The following RBFOX1 variants were observed in gnomAD, a reference collection of about 807,000 sequenced individuals.
The protein encoded by RBFOX1 is RNA binding protein fox-1 homolog 1.
A neutral mutation model predicts 57.7 loss-of-function variants in RBFOX1; 8 were observed. That is an observed-to-expected ratio of 0.14 (90% CI 0.08 to 0.25). The LOEUF (loss-of-function observed/expected upper bound fraction) is 0.25, where lower values mean the gene tolerates loss of function less well. Among genes scored for constraint, RBFOX1 ranks in the 10% least tolerant of loss-of-function variants. The pLI is 1.00. For synonymous variants in RBFOX1, 326 were observed against 222.4 expected (o/e 1.47, Z -4.15); for missense variants, 611 against 548.5 (o/e 1.11, Z -1.14).
chr16:6,372,026 T>C (rs1228809181), intron 2 of RBFOX1, among the ~76,000 whole-genome samples: 2 of 152,206 alleles, frequency 1.3e-5, no homozygotes, highest in African/African-American at 2.4e-5. Context: ...CATAGGATTG[T>C]TGGGTGAAAC....
At chr16:7,361,882 A>G (rs546221851) in intron 4 of RBFOX1, among the ~76,000 whole-genome samples, 4 of 150,760 alleles carry the variant, frequency 2.7e-5, no homozygotes, top group Admixed American at 1.3e-4. Context: ...TGTTTTGTGT[A>G]TATGTTAGTA....
chr16:6,873,340 A>T (rs1018558863), intron 3 of RBFOX1, among the ~76,000 whole-genome samples: 1 of 152,128 alleles, frequency 6.6e-6, no homozygotes, highest in Non-Finnish European at 1.5e-5. Context: ...AAGAGTGCAA[A>T]ATCATTAGAG....
chr16:5,958,115 G>T (rs1168279632), intron 4 of RBFOX1, among the ~76,000 whole-genome samples: 1 of 152,172 alleles, frequency 6.6e-6, no homozygotes, highest in African/African-American at 2.4e-5. Flanking sequence ...AATAGTGATG[G>T]CACTACCTTT....
intron 2 of RBFOX1, among the ~76,000 whole-genome samples, chr16:6,546,889 AT>A (rs2096903924): frequency 6.6e-6 from 1 of 152,144 alleles, no homozygotes; most frequent in Non-Finnish European, 1.5e-5. Flanking sequence ...TCCGAAGTCC[AT>A]GCTTGGTTTG....
chr16:7,624,140 G>C (rs1051334770), intron 10 of RBFOX1, among the ~76,000 whole-genome samples: 9 of 152,134 alleles, frequency 5.9e-5, no homozygotes, highest in Non-Finnish European at 1.2e-4. Context: ...AGTAAAGGAG[G>C]ACTAATGGCA....
At chr16:6,835,277 G>A (rs12927782) in intron 3 of RBFOX1, among the ~76,000 whole-genome samples, 20,866 of 152,052 alleles carry the variant, frequency 0.14, 1,561 homozygotes, top group Non-Finnish European at 0.16. Flanking sequence ...CTGCTATGCG[G>A]GTTCCCTTTC....
At chr16:7,558,841 G>A (rs576820515) in intron 5 of RBFOX1, among the ~76,000 whole-genome samples, 1 of 152,308 alleles carries the variant, frequency 6.6e-6, no homozygotes, top group South Asian at 2.1e-4. Context: ...ATAAGTATAT[G>A]AAAATACTAT....
intron 3 of RBFOX1, among the ~76,000 whole-genome samples, chr16:6,912,622 C>G (rs544124102): frequency 1.7e-4 from 13 of 74,806 alleles, no homozygotes; most frequent in Non-Finnish European, 2.9e-4. Flanking sequence ...TGTGTTATTA[C>G]TATTTTTTTT....
intron 2 of RBFOX1, among the ~76,000 whole-genome samples, chr16:5,495,944 G>A (rs1419317594): frequency 6.6e-6 from 1 of 152,140 alleles, no homozygotes; most frequent in Admixed American, 6.5e-5. Flanking sequence ...TGGCCAACAT[G>A]GTGAAACCCT....
intron 4 of RBFOX1, among the ~76,000 whole-genome samples, chr16:7,072,141 T>C (rs1276043135): frequency 6.6e-6 from 1 of 152,216 alleles, no homozygotes; most frequent in Non-Finnish European, 1.5e-5. Context: ...ACAATAGTAG[T>C]TACAACTGTT....
intron 2 of RBFOX1, among the ~76,000 whole-genome samples, chr16:6,516,127 C>T (rs917306468): frequency 1.3e-5 from 2 of 152,166 alleles, no homozygotes; most frequent in Admixed American, 6.5e-5. Context: ...CGCCCAGGTT[C>T]AAGCAGTTCT....
At chr16:5,589,253 A>T (rs2046930575) in intron 2 of RBFOX1, among the ~76,000 whole-genome samples, 1 of 152,050 alleles carries the variant, frequency 6.6e-6, no homozygotes, top group Admixed American at 6.5e-5. Flanking sequence ...GTACCAAGGG[A>T]ATGCTTCTGT....
rs57556084 is a variant in RBFOX1 at position 6,925,109 on chromosome 16, G to GTTTTTTTTTT, written c.-15-126915_-15-126906dup. On this transcript the variant is annotated intron_variant, in intron 3 of 15. Transcript: ENST00000550418. ...TCGTTGTTGGACATCTAGGTTGTTGGTTTTTTTTTTTTTTTTTTTTTTTTT... is the reference window on the plus strand; with the variant it reads ...TCGTTGTTGGACATCTAGGTTGTTGGTTTTTTTTTTTTTTTTTTTTTTTTTTTTTTTTTTT... 1.3e-3 allele frequency among the ~76,000 whole-genome samples: 59 copies of GTTTTTTTTTT among 45,252 alleles called. 14 individuals are homozygous for GTTTTTTTTTT. The highest frequency in any genetic ancestry group is 4.0e-3 in the African/African-American group (45 of 11,334). 29.7% of individuals were successfully genotyped at this position (45,252 alleles called of 152,430 possible).
At chr16:6,090,402 C>G (rs1383104499) in intron 1 of RBFOX1, among the ~76,000 whole-genome samples, 1 of 152,196 alleles carries the variant, frequency 6.6e-6, no homozygotes, top group Non-Finnish European at 1.5e-5. Flanking sequence ...ATATCATCAT[C>G]TCCACTCTTC....
At chr16:5,261,267 A>G (rs2062724661) in intron 1 of RBFOX1, among the ~76,000 whole-genome samples, 3 of 152,150 alleles carry the variant, frequency 2.0e-5, no homozygotes, top group African/African-American at 2.4e-5. Context: ...TCATAGTCCT[A>G]TTTTTAAATG....
intron 4 of RBFOX1, among the ~76,000 whole-genome samples, chr16:7,105,107 G>C (rs1227438151): frequency 6.6e-6 from 1 of 152,050 alleles, no homozygotes; most frequent in Non-Finnish European, 1.5e-5. Context: ...TGCCACTAAA[G>C]CTTGGATGTT....
intron 1 of RBFOX1, among the ~76,000 whole-genome samples, chr16:6,172,277 G>T (rs550135540): frequency 6.6e-6 from 1 of 151,226 alleles, no homozygotes; most frequent in East Asian, 2.0e-4. Flanking sequence ...CGGACAGCGG[G>T]GAGATACAAC....
At chr16:6,607,308 C>A (rs1469083949) in intron 2 of RBFOX1, among the ~76,000 whole-genome samples, 2 of 152,180 alleles carry the variant, frequency 1.3e-5, no homozygotes, top group Non-Finnish European at 2.9e-5. Flanking sequence ...CTCATATTCA[C>A]ATCCCTTAAA....
intron 4 of RBFOX1, among the ~76,000 whole-genome samples, chr16:7,204,412 T>A (rs1371126048): frequency 6.7e-6 from 1 of 148,948 alleles, no homozygotes; most frequent in Non-Finnish European, 1.5e-5. Flanking sequence ...GAGGCTGAAG[T>A]GGGAGGATCA....
Sources: allele counts gnomAD v4.1 joint callset (sites outside exome capture counted in the v4.1 genomes callset), GRCh38; gene constraint gnomAD v4.1.1; transcripts MANE v1.5; gene names NCBI Gene and HGNC (gene_info 2026-07-23, HGNC 2026-07-21).